The following COL21A1 variants were observed in gnomAD, a reference collection of about 807,000 sequenced individuals.
COL21A1 encodes collagen type XXI alpha 1 chain, also known as collagen alpha-1(XXI) chain.
Under a neutral mutation model 137.9 loss-of-function variants are expected in COL21A1, and 149 were observed. That is an observed-to-expected ratio of 1.08 (90% CI 0.95 to 1.24). The LOEUF is 1.24. COL21A1 is among the 50% of genes most tolerant of loss of function. The pLI is 0.00. For missense variants in COL21A1, 1,167 were observed against 1,158.4 expected, an observed-to-expected ratio of 1.01 and a Z score of -0.11; for synonymous variants, 456 against 391.5, an observed-to-expected ratio of 1.16 and a Z score of -1.95.
chr6:56,313,422 C>T (rs1372497259), intron 1 of COL21A1, among the ~76,000 whole-genome samples: 1 of 152,066 alleles, frequency 6.6e-6, no homozygotes, highest in African/African-American at 2.4e-5. Context: ...AATTTATTTT[C>T]TCATGGTTCT....
intron 17 of COL21A1, among the ~76,000 whole-genome samples, chr6:56,088,353 G>GCTCACT: frequency 6.6e-6 from 1 of 152,134 alleles, no homozygotes; most frequent in East Asian, 1.9e-4. Flanking sequence ...AACAGAGTGA[G>GCTCACT]ACTCCATCTC....
chr6:56,168,372 T>C, intron 5 of COL21A1, 75 bp from the exon 6 acceptor site: 1 of 1,247,904 alleles, frequency 8.0e-7, no homozygotes, highest in East Asian at 2.6e-5. Flanking sequence ...CTTACTCCCT[T>C]GTTCCTAACC....
chr6:56,248,273 G>A (rs1421364386), upstream of COL21A1, among the ~76,000 whole-genome samples: 1 of 152,132 alleles, frequency 6.6e-6, no homozygotes, highest in Non-Finnish European at 1.5e-5. Context: ...CACAAGACCT[G>A]TTTGCCCTTT....
At chr6:56,343,001 T>C (rs1183353613) in intron 1 of COL21A1, among the ~76,000 whole-genome samples, 1 of 152,182 alleles carries the variant, frequency 6.6e-6, no homozygotes, top group Non-Finnish European at 1.5e-5. Flanking sequence ...TCAATTCAAA[T>C]AAAATTTCAA....
chr6:56,391,098 A>T (rs2094028927), intron 1 of COL21A1, among the ~76,000 whole-genome samples: 1 of 152,212 alleles, frequency 6.6e-6, no homozygotes, highest in Non-Finnish European at 1.5e-5. Context: ...AAAATTCAGA[A>T]AAACTGAAAT....
chr6:56,084,192 A>T (rs1166098301), intron 17 of COL21A1, among the ~76,000 whole-genome samples: 3 of 151,276 alleles, frequency 2.0e-5, no homozygotes, highest in Non-Finnish European at 4.4e-5. Flanking sequence ...CCCTTGGGGA[A>T]AATATTGCCT....
At chr6:56,129,675 C>CATGTGTGTGTGTGT (rs1258564310) in intron 12 of COL21A1, among the ~76,000 whole-genome samples, 4 of 136,414 alleles carry the variant, frequency 2.9e-5, no homozygotes, top group Non-Finnish European at 4.6e-5. Flanking sequence ...CACGTGCGTG[C>CATGTGTGTGTGTGT]GTGTGTGTGT....
chr6:56,347,896 G>A (rs1013207332), intron 1 of COL21A1, among the ~76,000 whole-genome samples: 3 of 152,102 alleles, frequency 2.0e-5, no homozygotes, highest in African/African-American at 4.8e-5. Flanking sequence ...ACAGGTAGCT[G>A]AGAAGTATTA....
chr6:56,313,175 G>C (rs928575046), intron 1 of COL21A1, among the ~76,000 whole-genome samples: 1 of 152,066 alleles, frequency 6.6e-6, no homozygotes, highest in Non-Finnish European at 1.5e-5. Context: ...AGGGTATCTG[G>C]AGATTCTAGT....
intron 12 of COL21A1, among the ~76,000 whole-genome samples, chr6:56,141,558 A>G (rs551788450): frequency 2.6e-5 from 4 of 152,322 alleles, no homozygotes; most frequent in African/African-American, 9.6e-5. Flanking sequence ...AACATGGCAT[A>G]GGGCAATGCC....
intron 1 of COL21A1, among the ~76,000 whole-genome samples, chr6:56,308,963 T>C (rs1764535206): frequency 6.6e-6 from 1 of 152,164 alleles, no homozygotes; most frequent in African/African-American, 2.4e-5. Context: ...ATAGTCAGGA[T>C]GGAGGGCAGA....
intron 9 of COL21A1, among the ~76,000 whole-genome samples, chr6:56,164,185 T>C (rs1224116304): frequency 2.0e-5 from 3 of 152,118 alleles, no homozygotes; most frequent in African/African-American, 7.2e-5. Context: ...ACCAAACAAA[T>C]AATACTGTCT....
intron 3 of COL21A1, among the ~76,000 whole-genome samples, chr6:56,176,858 A>AGAGGAAAGGG (rs1777509211): frequency 7.3e-6 from 1 of 136,968 alleles, no homozygotes; most frequent in South Asian, 2.5e-4. Context: ...GAATGAAGGG[A>AGAGGAAAGGG]GAGGAAAGGG....
chr6:56,322,879 G>C (rs1418086818), intron 1 of COL21A1, among the ~76,000 whole-genome samples: 3 of 68,938 alleles, frequency 4.4e-5, no homozygotes, highest in Non-Finnish European at 9.9e-5. Context: ...ACCATCCTCT[G>C]CTATCAAAAA....
chr6:56,159,159 GA>G (rs1776008571), intron 9 of COL21A1, among the ~76,000 whole-genome samples: 1 of 151,954 alleles, frequency 6.6e-6, no homozygotes, highest in Admixed American at 6.6e-5. Flanking sequence ...GAGTTAATAA[GA>G]GAAAATTATC....
intron 1 of COL21A1, among the ~76,000 whole-genome samples, chr6:56,226,085 T>C (rs140426888): frequency 6.6e-6 from 1 of 152,198 alleles, no homozygotes; most frequent in Non-Finnish European, 1.5e-5. Flanking sequence ...CATAGAATTG[T>C]TTAAAGAATC....
At chr6:56,134,599 G>A (rs2067453102) in intron 12 of COL21A1, among the ~76,000 whole-genome samples, 2 of 152,148 alleles carry the variant, frequency 1.3e-5, no homozygotes, top group Non-Finnish European at 2.9e-5. Flanking sequence ...GGAATGATAC[G>A]GTTTGGCTAT....
chr6:56,133,121 A>G (rs62413463), intron 12 of COL21A1, among the ~76,000 whole-genome samples: 10,906 of 152,260 alleles, frequency 0.072, 433 homozygotes, highest in Middle Eastern at 0.12. Context: ...AGGTTGGAAC[A>G]GTTTGGAGGG....
At position 56,075,504 on chromosome 6, in the gene COL21A1, C is replaced by A; in HGVS notation, c.1886G>T (p.Gly629Val). 6.5e-7 allele frequency: 1 copy of A among 1,533,626 alleles called. No individual in the cohort carries two copies. Among genetic ancestry groups the A allele is most frequent in the South Asian group, 1.2e-5 (1 of 80,112 alleles). ...AGGCATCCCTGGGGCTCCTTTTTTT[C>A]CTTGCTGTCCTGGAGGCCCAATTTC... is the stretch of plus-strand genomic sequence containing the variant. ...KGEIGPPGQQ[G>V]KKGAPGMPGL... The change falls in exon 19 of 30, where the codon GGA becomes GTA. Residue 629 changes from glycine to valine, a missense_variant. Coordinates refer to ENST00000244728, the MANE Select transcript of COL21A1 (RefSeq NM_030820.4).
Sources: allele counts gnomAD v4.1 joint callset (sites outside exome capture counted in the v4.1 genomes callset), GRCh38; gene constraint gnomAD v4.1.1; transcripts MANE v1.5; gene names NCBI Gene and HGNC (gene_info 2026-07-23, HGNC 2026-07-21).